NFASC: variants seen among roughly 807,000 people sequenced by gnomAD.
The protein encoded by NFASC is neurofascin.
A neutral mutation model predicts 147.5 loss-of-function variants in NFASC; 43 were observed. That is an observed-to-expected ratio of 0.29 (90% CI 0.23 to 0.38). NFASC has a LOEUF of 0.38. NFASC is among the 10% of genes least tolerant of loss of function. The pLI is 1.00. For synonymous variants in NFASC, 622 were observed against 665.5 expected, an observed-to-expected ratio of 0.93 and a Z score of 1.01; for missense variants, 1,320 against 1,689.0, an observed-to-expected ratio of 0.78 and a Z score of 3.83.
At chr1:204,902,303 A>T (rs2084805855) in intron 1 of NFASC, among the ~76,000 whole-genome samples, 1 of 152,206 alleles carries the variant, frequency 6.6e-6, no homozygotes, top group Admixed American at 6.5e-5. Context: ...TGTAAAGAAA[A>T]AAAGAGGGAG....
At chr1:204,858,561 T>A (rs544705416) in intron 1 of NFASC, among the ~76,000 whole-genome samples, 180 of 152,238 alleles carry the variant, frequency 1.2e-3, no homozygotes, top group Non-Finnish European at 1.6e-3. Context: ...CAATAATTTA[T>A]TCCTGGATAC....
intron 2 of NFASC, among the ~76,000 whole-genome samples, chr1:204,928,308 G>C (rs2091952655): frequency 6.6e-6 from 1 of 152,168 alleles, no homozygotes; most frequent in Admixed American, 6.5e-5. Flanking sequence ...GAATGAGTAA[G>C]CAGTAATGAG....
chr1:204,956,741 A>G (rs988646643), intron 7 of NFASC, among the ~76,000 whole-genome samples: 6 of 152,230 alleles, frequency 3.9e-5, no homozygotes, highest in African/African-American at 1.4e-4. Context: ...CCAGCCCATT[A>G]TGGGGAAGTT....
intron 1 of NFASC, among the ~76,000 whole-genome samples, chr1:204,904,416 T>C (rs1254986024): frequency 6.6e-6 from 1 of 152,226 alleles, no homozygotes; most frequent in Non-Finnish European, 1.5e-5. Flanking sequence ...AAATTTCTAA[T>C]GTGTAAAGTC....
intron 1 of NFASC, among the ~76,000 whole-genome samples, chr1:204,902,567 A>T (rs931895937): frequency 2.0e-5 from 3 of 152,218 alleles, no homozygotes; most frequent in African/African-American, 4.8e-5. Context: ...CAGTAGATGA[A>T]ATTAGACAAT....
At chr1:204,946,715 A>G (rs770598164) in intron 3 of NFASC, 31 of 519,016 alleles carry the variant, frequency 6.0e-5, no homozygotes, top group Middle Eastern at 6.4e-4. Flanking sequence ...GGCAATTTCT[A>G]TAGAAACAAG....
intron 1 of NFASC, among the ~76,000 whole-genome samples, chr1:204,849,415 T>A (rs1419506194): frequency 1.3e-5 from 2 of 152,182 alleles, no homozygotes; most frequent in African/African-American, 4.8e-5. Flanking sequence ...TTAGCCTGCA[T>A]CTGAGGCACT....
chr1:204,958,844 C>T (rs778705609), intron 8 of NFASC, among the ~76,000 whole-genome samples: 15 of 152,114 alleles, frequency 9.9e-5, no homozygotes, highest in South Asian at 4.1e-4. Context: ...CAATGGCTCC[C>T]CGGGTGGGTG....
At chr1:205,002,564 G>T (rs770791561) in intron 26 of NFASC, 32 bp from the exon 27 acceptor site, 5 of 1,442,132 alleles carry the variant, frequency 3.5e-6, no homozygotes, top group Non-Finnish European at 4.6e-6. Flanking sequence ...CTGGTGCCTG[G>T]CTCTAGGCTG....
In NFASC at chr1:204,904,345, G is replaced by A. The variant is rs537812469; in HGVS notation, c.-199-16287G>A. 5.3e-5 allele frequency among the ~76,000 whole-genome samples: 8 copies of A among 152,210 alleles called. No individual in the cohort carries two copies. The South Asian group carries it at 1.2e-3, about 24-fold the overall frequency. ...ACTCCCGGACTCAAGTGATCCACCC[G>A]TCTTGGTCTCCTAAAGTGATAGGAA... On this transcript the variant is annotated intron_variant, in intron 1 of 29. Transcript: ENST00000339876.
chr1:204,881,571 A>G (rs773011429), intron 1 of NFASC, among the ~76,000 whole-genome samples: 2 of 152,122 alleles, frequency 1.3e-5, no homozygotes, highest in Non-Finnish European at 2.9e-5. Flanking sequence ...AAGGTAGGGA[A>G]GAGCTTCTGG....
intron 11 of NFASC, among the ~76,000 whole-genome samples, 184 bp downstream of exon 11, chr1:204,970,931 TG>T (rs1558304386): frequency 6.6e-6 from 1 of 152,214 alleles, no homozygotes; most frequent in Non-Finnish European, 1.5e-5. Flanking sequence ...ACCCTCTCTT[TG>T]TGTGAGAGAA....
In NFASC at chr1:204,981,823, G is replaced by A; in HGVS notation, c.2273G>A (p.Gly758Asp). 6.3e-7 allele frequency: 1 copy of A among 1,576,744 alleles called. No homozygotes were observed. Among genetic ancestry groups the A allele is most frequent in the Non-Finnish European group, 8.6e-7 (1 of 1,159,826 alleles). Residue 758 changes from glycine (G) to aspartate (D), a missense_variant, in exon 21 of 30, where the codon GGC becomes GAC. Gly to Asp is a moderately conservative substitution (Grantham distance 94). Coordinates refer to ENST00000339876, the MANE Select transcript of NFASC (RefSeq NM_001005388.3). ...WTPMNATSAF[G>D]PNLRYIVKWR... ...CCCATGAATGCCACCTCGGCCTTTGGCCCCAACCTGCGCTACATTGTCAAG... is the reference window on the plus strand; with the variant it reads ...CCCATGAATGCCACCTCGGCCTTTGACCCCAACCTGCGCTACATTGTCAAG...
rs1336523534 is a variant in NFASC, at chr1:204,986,643, G to A, written c.2471-775G>A. ...CCTGGGGTCAAAACCCCTATTTTTT[G>A]TTTCACATAAATTCAAGTTCATGAA... On this transcript the variant is annotated intron_variant, in intron 21 of 29. Coordinates refer to ENST00000339876, the MANE Select transcript of NFASC (RefSeq NM_001005388.3). This position sits in a 1 kb window ranked among gnomAD's most constrained non-coding sequence, Gnocchi z 4.2. 2 of 157,862 alleles carry A rather than the reference G, an allele frequency of 1.3e-5. No individual in the cohort carries two copies. The highest frequency in any genetic ancestry group is 6.0e-5 in the Admixed American group (1 of 16,764). 9.8% of individuals were successfully genotyped at this position (157,862 alleles called of 1,614,324 possible).
At chr1:204,939,185 G>A (rs1228665656) in intron 2 of NFASC, among the ~76,000 whole-genome samples, 1 of 151,588 alleles carries the variant, frequency 6.6e-6, no homozygotes, top group African/African-American at 2.4e-5. Flanking sequence ...TTTCTTTGTT[G>A]TATTTATTTT....
chr1:204,998,647 G>A (rs2095902885), intron 25 of NFASC: 1 of 152,220 alleles, frequency 6.6e-6, no homozygotes, highest in Admixed American at 6.5e-5. Context: ...TGGCTGAGGA[G>A]GAACCTGCTG....
intron 1 of NFASC, among the ~76,000 whole-genome samples, chr1:204,852,183 C>T (rs1002275581): frequency 6.6e-6 from 1 of 152,142 alleles, no homozygotes; most frequent in African/African-American, 2.4e-5. Context: ...CATCTGATCC[C>T]ATTAGAGCTG....
At chr1:204,949,779 G>A (rs903518517) in intron 3 of NFASC, among the ~76,000 whole-genome samples, 5 of 152,152 alleles carry the variant, frequency 3.3e-5, no homozygotes, top group Non-Finnish European at 7.3e-5. Context: ...GAGAAGCCCA[G>A]ACCTCAGATA....
At chr1:204,882,481 A>T (rs555786389) in intron 1 of NFASC, among the ~76,000 whole-genome samples, 1 of 152,078 alleles carries the variant, frequency 6.6e-6, no homozygotes, top group Non-Finnish European at 1.5e-5. Context: ...TCTCTTTGAT[A>T]TCACTTCCTG....
Sources: allele counts gnomAD v4.1 joint callset (sites outside exome capture counted in the v4.1 genomes callset), GRCh38; gene constraint gnomAD v4.1.1; non-coding constraint Gnocchi (gnomAD v3.1); transcripts MANE v1.5; gene names NCBI Gene and HGNC (gene_info 2026-07-23, HGNC 2026-07-21).